Variants in RASSF8 observed in about 807,000 individuals in gnomAD.
RASSF8 encodes Ras association domain family member 8.
RASSF8 carries 22 observed loss-of-function variants against 48.5 expected under a neutral mutation model. The observed-to-expected ratio is 0.45, with a 90% CI of 0.32 to 0.65. The LOEUF is 0.65. Ranked by LOEUF, RASSF8 falls within the 30% of genes least tolerant of loss-of-function variation. The pLI is 0.03. For missense variants in RASSF8, 418 were observed against 489.2 expected (o/e 0.85, Z 1.37); for synonymous variants, 127 against 171.5 (o/e 0.74, Z 2.03).
intron 2 of RASSF8, among the ~76,000 whole-genome samples, chr12:26,023,789 T>C (rs538587573): frequency 6.6e-6 from 1 of 152,298 alleles, no homozygotes; most frequent in South Asian, 2.1e-4. Flanking sequence ...AAAAAAAGTA[T>C]AGATTTGATT....
chr12:26,047,176 G>C (rs1485713272), intron 2 of RASSF8, among the ~76,000 whole-genome samples: 2 of 152,066 alleles, frequency 1.3e-5, no homozygotes, highest in Non-Finnish European at 2.9e-5. Context: ...GGCTTTTTAT[G>C]TTCCTTTTTA....
chr12:26,016,413 C>T (rs979041896), intron 2 of RASSF8, among the ~76,000 whole-genome samples: 1 of 152,018 alleles, frequency 6.6e-6, no homozygotes, highest in Non-Finnish European at 1.5e-5. Context: ...AACTGTAGCC[C>T]TCATGTCCAG....
Position 25,990,941 on chromosome 12 carries a change from G to A in RASSF8, c.-202-4096G>A, listed in dbSNP as rs143508785. Among the ~76,000 whole-genome samples, 458 of 152,178 alleles carry A rather than the reference G, an allele frequency of 3.0e-3. 3 individuals carry two copies. The highest frequency in any genetic ancestry group is 0.011 in the African/African-American group (444 of 41,512). On this transcript the variant is annotated intron_variant, in intron 1 of 5. Coordinates refer to ENST00000689635, the MANE Select transcript of RASSF8 (RefSeq NM_001394098.1). ...CACACACACACAGAAAACATTTTGG[G>A]GATCTTGGAGTCACAGAGTAGAGAG... is the stretch of plus-strand genomic sequence containing the variant.
chr12:25,965,381 T>G (rs1340595243), intron 1 of RASSF8, among the ~76,000 whole-genome samples: 1 of 151,098 alleles, frequency 6.6e-6, no homozygotes, highest in Non-Finnish European at 1.5e-5. Flanking sequence ...TTTTTTTTTT[T>G]TTGAGACAGG....
intron 1 of RASSF8, among the ~76,000 whole-genome samples, chr12:25,985,452 C>T (rs1438456014): frequency 2.0e-5 from 3 of 152,112 alleles, no homozygotes; most frequent in Admixed American, 6.6e-5. Flanking sequence ...CAGAGACTAT[C>T]GTATGGTTTT....
At chr12:26,059,051 C>T (rs1565642570) in intron 3 of RASSF8, among the ~76,000 whole-genome samples, 1 of 152,176 alleles carries the variant, frequency 6.6e-6, no homozygotes, top group Non-Finnish European at 1.5e-5. Context: ...GCATTTTTTT[C>T]AGAGTCTAAA....
chr12:26,022,722 G>C (rs1320091915), intron 2 of RASSF8, among the ~76,000 whole-genome samples: 1 of 151,660 alleles, frequency 6.6e-6, no homozygotes, highest in African/African-American at 2.4e-5. Context: ...TACTAAAGGG[G>C]CTCCACAGTT....
intron 2 of RASSF8, among the ~76,000 whole-genome samples, chr12:25,996,156 G>A (rs1054569642): frequency 1.3e-5 from 2 of 152,198 alleles, no homozygotes; most frequent in Admixed American, 6.5e-5. Flanking sequence ...AATGTTGAGA[G>A]TCAAAAGATA....
chr12:25,996,280 A>C (rs1377396406), intron 2 of RASSF8, among the ~76,000 whole-genome samples: 1 of 152,254 alleles, frequency 6.6e-6, no homozygotes, highest in Non-Finnish European at 1.5e-5. Context: ...GGAAAAGCAT[A>C]AGAAAAAAGT....
At chr12:26,040,568 G>A (rs1007439986) in intron 2 of RASSF8, among the ~76,000 whole-genome samples, 2 of 152,154 alleles carry the variant, frequency 1.3e-5, no homozygotes, top group Admixed American at 1.3e-4. Flanking sequence ...TCCTGCTAGT[G>A]CTTCAGTTGA....
At chr12:26,049,205 A>T (rs1791364921) in intron 2 of RASSF8, among the ~76,000 whole-genome samples, 1 of 152,184 alleles carries the variant, frequency 6.6e-6, no homozygotes, top group South Asian at 2.1e-4. Context: ...TATTAGAATG[A>T]TTTTACAAAA....
downstream of RASSF8, among the ~76,000 whole-genome samples, chr12:26,077,666 A>G (rs181689273): frequency 6.6e-6 from 1 of 152,198 alleles, no homozygotes; most frequent in East Asian, 1.9e-4. Context: ...GTTACTGTAG[A>G]CTTGTAGTAT....
chr12:26,076,387 G>T (rs1944073308), downstream of RASSF8, among the ~76,000 whole-genome samples: 1 of 152,028 alleles, frequency 6.6e-6, no homozygotes, highest in African/African-American at 2.4e-5. Flanking sequence ...TTTACATTGG[G>T]CATTTCTCCT....
At chr12:26,033,860 A>G (rs901489111) in intron 2 of RASSF8, among the ~76,000 whole-genome samples, 1 of 152,048 alleles carries the variant, frequency 6.6e-6, no homozygotes, top group Non-Finnish European at 1.5e-5. Context: ...ATTGTCTCCA[A>G]CTAGTTCACC....
chr12:26,072,785 A>T lies in RASSF8; in HGVS notation c.*3967A>T, dbSNP rs930606241. 3.2e-6 allele frequency: 3 copies of T among 923,926 alleles called. No homozygotes were observed. The highest frequency in any genetic ancestry group is 1.2e-4 in the East Asian group (1 of 8,486). 57.2% of individuals were successfully genotyped at this position (923,926 alleles called of 1,614,324 possible). Reference sequence around the variant, plus strand: ...TCTTTGACTTTCATTTTAAATGTATATTTTCTGATCATTATGAGCTGTAAA... The same window carrying T: ...TCTTTGACTTTCATTTTAAATGTATTTTTTCTGATCATTATGAGCTGTAAA... On this transcript the variant is annotated 3_prime_UTR_variant, in exon 6 of 6. Coordinates refer to ENST00000689635, the MANE Select transcript of RASSF8 (RefSeq NM_001394098.1).
chr12:26,033,351 A>G (rs1943067556), intron 2 of RASSF8, among the ~76,000 whole-genome samples: 1 of 152,226 alleles, frequency 6.6e-6, no homozygotes, highest in African/African-American at 2.4e-5. Flanking sequence ...AAAACCCACA[A>G]ATTGTTTTAT....
At chr12:26,061,630 CTG>C (rs1943745287) in intron 3 of RASSF8, among the ~76,000 whole-genome samples, 2 of 152,024 alleles carry the variant, frequency 1.3e-5, no homozygotes, top group Non-Finnish European at 2.9e-5. Flanking sequence ...GAAGGTTTAA[CTG>C]AATGTATCCA....
intron 2 of RASSF8, among the ~76,000 whole-genome samples, chr12:26,038,079 G>GATT (rs1213846032): frequency 6.6e-6 from 1 of 152,172 alleles, no homozygotes; most frequent in African/African-American, 2.4e-5. Flanking sequence ...ATTGAGTTGG[G>GATT]ATTATAAACT....
intron 2 of RASSF8, among the ~76,000 whole-genome samples, chr12:25,996,695 C>G (rs1942143096): frequency 6.6e-6 from 1 of 152,152 alleles, no homozygotes; most frequent in Admixed American, 6.5e-5. Flanking sequence ...ACGCCTTTAG[C>G]TTACTGCTTT....
Sources: gnomAD v4.1 joint callset for allele counts (sites outside exome capture counted in the v4.1 genomes callset) on GRCh38, gnomAD v4.1.1 for gene constraint, MANE v1.5 for transcripts, NCBI Gene and HGNC (gene_info 2026-07-23, HGNC 2026-07-21) for gene names.